Variants in PCNX2 observed in about 807,000 individuals in gnomAD.
The protein encoded by PCNX2 is pecanex 2.
PCNX2 carries 168 observed loss-of-function variants against 223.8 expected under a neutral mutation model. The observed-to-expected ratio is 0.75, with a 90% CI of 0.66 to 0.85. The LOEUF (loss-of-function observed/expected upper bound fraction) is 0.85. Ranked by LOEUF, PCNX2 falls within the 40% of genes least tolerant of loss-of-function variation. PCNX2 has a pLI of 0.00. For synonymous variants in PCNX2, 1,006 were observed against 1,052.6 expected (o/e 0.96, Z 0.86); for missense variants, 2,507 against 2,675.5 (o/e 0.94, Z 1.39).
At chr1:233,227,104 GCAAAGGAAGCGTA>G in intron 10 of PCNX2, 109 bp downstream of exon 10, 1 of 1,189,738 alleles carries the variant, frequency 8.4e-7, no homozygotes, top group Non-Finnish European at 1.1e-6. Flanking sequence ...TGGGTTGTCA[GCAAAGGAAGCGTA>G]CAACTTGAAA....
chr1:233,025,046 G>T, intron 26 of PCNX2, 100 bp downstream of exon 26: 1 of 1,483,836 alleles, frequency 6.7e-7, no homozygotes, highest in Non-Finnish European at 9.2e-7. Flanking sequence ...GGAAGCTGAG[G>T]ATGACAGGCT....
intron 32 of PCNX2, among the ~76,000 whole-genome samples, chr1:232,995,696 A>G (rs886101281): frequency 1.3e-5 from 2 of 152,188 alleles, no homozygotes; most frequent in South Asian, 4.1e-4. Flanking sequence ...ATTTAAAAAA[A>G]AAGATCCTGC....
chr1:233,128,013 A>G (rs1676201968), intron 21 of PCNX2, among the ~76,000 whole-genome samples: 1 of 152,240 alleles, frequency 6.6e-6, no homozygotes, highest in Admixed American at 6.5e-5. Flanking sequence ...TCACAAAATA[A>G]GGAAAACGCC....
intron 27 of PCNX2, among the ~76,000 whole-genome samples, chr1:233,016,259 A>T (rs3766485): frequency 1.3e-5 from 2 of 151,970 alleles, no homozygotes; most frequent in East Asian, 3.9e-4. Context: ...CTGCTGAGGA[A>T]GTTGTTTCTA....
At chr1:233,161,460 A>G (rs1678476980) in intron 17 of PCNX2, 97 bp from the exon 18 acceptor site, 4 of 1,055,510 alleles carry the variant, frequency 3.8e-6, no homozygotes. Flanking sequence ...GACCCAAGAT[A>G]AACTGTTTTT....
intron 4 of PCNX2, among the ~76,000 whole-genome samples, chr1:233,260,429 G>A (rs962566018): frequency 6.6e-6 from 1 of 152,182 alleles, no homozygotes; most frequent in Non-Finnish European, 1.5e-5. Flanking sequence ...GTATGTGCTT[G>A]TATATGTGTA....
intron 13 of PCNX2, 114 bp downstream of exon 13, chr1:233,208,404 A>G (rs1681610987): frequency 8.9e-7 from 1 of 1,117,532 alleles, no homozygotes; most frequent in Non-Finnish European, 1.2e-6. Flanking sequence ...CCAAGAGGAA[A>G]GTGCACATCT....
At chr1:233,070,472 AT>A (rs2102902273) in intron 23 of PCNX2, among the ~76,000 whole-genome samples, 2 of 152,272 alleles carry the variant, frequency 1.3e-5, no homozygotes, top group East Asian at 3.9e-4. Flanking sequence ...TTAAAAATAT[AT>A]TGCAAATAAA....
At chr1:233,302,645 C>CATATATATATATATATAT in the PCNX2 span, among the ~76,000 whole-genome samples, 604 of 147,466 alleles carry the variant, frequency 4.1e-3, no homozygotes, top group Non-Finnish European at 4.6e-3. Flanking sequence ...CTCCTTCCAT[C>CATATATATATATATATAT]ATATATATAT....
intron 17 of PCNX2, among the ~76,000 whole-genome samples, chr1:233,163,472 C>T (rs771819043): frequency 4.0e-5 from 6 of 151,614 alleles, no homozygotes; most frequent in South Asian, 2.1e-4. Context: ...GGTGACAGAG[C>T]GAGACTCTGT....
chr1:233,293,935 C>T (rs1661921360), intron 1 of PCNX2: 27 of 982,098 alleles, frequency 2.7e-5, no homozygotes, highest in Non-Finnish European at 2.9e-5. Flanking sequence ...GGCCCATAGG[C>T]TAAGGAAAAA....
chr1:233,168,532 C>T (rs1328786655), intron 17 of PCNX2, among the ~76,000 whole-genome samples: 2 of 152,018 alleles, frequency 1.3e-5, no homozygotes, highest in Non-Finnish European at 2.9e-5. Flanking sequence ...ATATCATACA[C>T]ATACAATGCC....
chr1:233,231,317 TGAAAA>T, intron 9 of PCNX2, among the ~76,000 whole-genome samples: 1 of 152,110 alleles, frequency 6.6e-6, no homozygotes, highest in East Asian at 1.9e-4. Flanking sequence ...AACACAAATT[TGAAAA>T]GCAAACTAGA....
intron 17 of PCNX2, among the ~76,000 whole-genome samples, chr1:233,176,009 T>C (rs1239371267): frequency 6.6e-6 from 1 of 152,186 alleles, no homozygotes; most frequent in Admixed American, 6.5e-5. Flanking sequence ...GAGCACCCAC[T>C]GTAACACCGG....
At chr1:233,070,675 A>T (rs923570429) in intron 23 of PCNX2, among the ~76,000 whole-genome samples, 20 of 112,654 alleles carry the variant, frequency 1.8e-4, no homozygotes, top group African/African-American at 2.7e-4. Context: ...TTCATGATTT[A>T]AAAAAAAAAA....
chr1:233,321,686 A>ACCT, the PCNX2 span, among the ~76,000 whole-genome samples: 1 of 152,180 alleles, frequency 6.6e-6, no homozygotes, highest in Non-Finnish European at 1.5e-5. Context: ...AATATTAATC[A>ACCT]CCTGTACTGA....
chr1:233,045,922 C>T (rs182756032), intron 25 of PCNX2, among the ~76,000 whole-genome samples: 1 of 152,374 alleles, frequency 6.6e-6, no homozygotes, highest in East Asian at 1.9e-4. Context: ...AGCTGCAAAG[C>T]CTGCTTTGCT....
rs796373121 is a variant in PCNX2 at position 233,061,768 on chromosome 1, G to GT, written c.4077-4479dup. Among the ~76,000 whole-genome samples, 806 of 151,370 alleles carry GT rather than the reference G, an allele frequency of 5.3e-3. 6 individuals carry two copies. Among genetic ancestry groups the GT allele is most frequent in the African/African-American group, 0.018 (736 of 41,278 alleles). On this transcript the variant is annotated intron_variant, in intron 23 of 33. Transcript: ENST00000258229. ...TTGTTATTGTTTTGTATTTGTTTTT[G>GT]TTTTTTTTGAGACAGAGTCTTACTC... is the stretch of plus-strand genomic sequence containing the variant.
intron 12 of PCNX2, among the ~76,000 whole-genome samples, chr1:233,209,929 C>T (rs1197150664): frequency 6.6e-6 from 1 of 152,070 alleles, no homozygotes. Context: ...TACAAATACA[C>T]ATGTATATGA....
Sources: gnomAD v4.1 joint callset for allele counts (sites outside exome capture counted in the v4.1 genomes callset) on GRCh38, gnomAD v4.1.1 for gene constraint, MANE v1.5 for transcripts, NCBI Gene and HGNC (gene_info 2026-07-23, HGNC 2026-07-21) for gene names.